ROBO1: variants seen among roughly 807,000 people sequenced by gnomAD.
ROBO1 encodes the protein roundabout guidance receptor 1.
ROBO1 carries 149 observed loss-of-function variants against 195.9 expected under a neutral mutation model. The ratio of observed to expected loss-of-function variants is 0.76; its 90% CI spans 0.67 to 0.87. The LOEUF (loss-of-function observed/expected upper bound fraction) is 0.87. ROBO1 is among the 40% of genes least tolerant of loss of function. The pLI is 0.00. For synonymous variants in ROBO1, 816 were observed against 733.2 expected (o/e 1.11, Z -1.82); for missense variants, 1,933 against 2,068.3 (o/e 0.93, Z 1.27).
intron 2 of ROBO1, among the ~76,000 whole-genome samples, chr3:79,430,279 A>T (rs1224975792): frequency 6.6e-6 from 1 of 152,128 alleles, no homozygotes; most frequent in East Asian, 1.9e-4. Context: ...CAATAAAAAT[A>T]ATACTTTACT....
intron 3 of ROBO1, among the ~76,000 whole-genome samples, chr3:79,120,409 T>C (rs918704099): frequency 6.6e-6 from 1 of 152,124 alleles, no homozygotes; most frequent in Non-Finnish European, 1.5e-5. Flanking sequence ...GGAAAACAAA[T>C]CAACAACAAG....
chr3:79,496,928 C>T (rs1205636502), intron 2 of ROBO1, among the ~76,000 whole-genome samples: 1 of 152,156 alleles, frequency 6.6e-6, no homozygotes, highest in Non-Finnish European at 1.5e-5. Context: ...CTCTTCCCAA[C>T]CTGTCAATGT....
intron 2 of ROBO1, among the ~76,000 whole-genome samples, chr3:79,566,369 G>C (rs1433986769): frequency 6.6e-6 from 1 of 151,960 alleles, no homozygotes; most frequent in Non-Finnish European, 1.5e-5. Flanking sequence ...ATTATAATTT[G>C]CATTTATTTC....
intron 1 of ROBO1, among the ~76,000 whole-genome samples, chr3:79,632,176 C>T (rs1214214132): frequency 6.6e-6 from 1 of 152,126 alleles, no homozygotes; most frequent in Non-Finnish European, 1.5e-5. Context: ...AAGACATCTG[C>T]ACTTAATGTG....
chr3:79,434,633 A>G (rs934114030), intron 2 of ROBO1, among the ~76,000 whole-genome samples: 4 of 152,160 alleles, frequency 2.6e-5, no homozygotes, highest in African/African-American at 9.7e-5. Flanking sequence ...AACTAATTCA[A>G]CCATTGTGGA....
rs189365516 is a variant in ROBO1 at position 79,434,350 on chromosome 3, G to C, written c.88+155474C>G. On this transcript the variant is annotated intron_variant, in intron 2 of 30. Coordinates refer to ENST00000464233, the MANE Select transcript of ROBO1 (RefSeq NM_002941.4). Reference sequence around the variant, plus strand: ...AGGGCTAATATCCAGAATTTACAAAGAACTCAAACAAATTCACAAGAAAAA... The same window carrying C: ...AGGGCTAATATCCAGAATTTACAAACAACTCAAACAAATTCACAAGAAAAA... Among the ~76,000 whole-genome samples the C allele has an allele frequency of 2.4e-4, 36 of 152,216 alleles. No individual in the cohort carries two copies. In the East Asian group the frequency reaches 5.2e-3, roughly 22 times the overall value.
chr3:79,702,900 G>A (rs1947658979), intron 1 of ROBO1, among the ~76,000 whole-genome samples: 1 of 151,860 alleles, frequency 6.6e-6, no homozygotes, highest in Non-Finnish European at 1.5e-5. Flanking sequence ...CCTACTCGTG[G>A]CTTCTGGCCA....
At chr3:79,039,330 T>C (rs910656819) in intron 3 of ROBO1, among the ~76,000 whole-genome samples, 2 of 152,204 alleles carry the variant, frequency 1.3e-5, no homozygotes, top group African/African-American at 4.8e-5. Flanking sequence ...CCCTTACATT[T>C]TCCCTGAGAA....
At chr3:79,263,363 T>C (rs933003532) in intron 2 of ROBO1, among the ~76,000 whole-genome samples, 1 of 152,026 alleles carries the variant, frequency 6.6e-6, no homozygotes, top group Non-Finnish European at 1.5e-5. Flanking sequence ...TTTCTCAAGA[T>C]CAGGGCTGGG....
intron 17 of ROBO1, among the ~76,000 whole-genome samples, chr3:78,657,904 C>T (rs1416732280): frequency 6.6e-6 from 1 of 152,206 alleles, no homozygotes; most frequent in Non-Finnish European, 1.5e-5. Flanking sequence ...TGAGCCTCAT[C>T]TCAGGATTTT....
chr3:79,727,246 C>T (rs1702961291), intron 1 of ROBO1, among the ~76,000 whole-genome samples: 1 of 151,986 alleles, frequency 6.6e-6, no homozygotes, highest in South Asian at 2.1e-4. Context: ...CTAGGGATTG[C>T]TGCTACATTA....
intron 1 of ROBO1, among the ~76,000 whole-genome samples, chr3:79,601,805 A>G (rs1397308898): frequency 1.3e-5 from 2 of 151,970 alleles, no homozygotes; most frequent in African/African-American, 2.4e-5. Context: ...CATTTTGTAC[A>G]CAAATTAATT....
intron 5 of ROBO1, among the ~76,000 whole-genome samples, chr3:78,729,190 G>C (rs141690064): frequency 1.2e-4 from 18 of 152,280 alleles, no homozygotes; most frequent in African/African-American, 4.3e-4. Flanking sequence ...GCTGTTTGCT[G>C]CTGCAGAAGC....
At chr3:78,725,716 C>A (rs1324780381) in intron 5 of ROBO1, among the ~76,000 whole-genome samples, 2 of 152,078 alleles carry the variant, frequency 1.3e-5, no homozygotes, top group East Asian at 3.8e-4. Flanking sequence ...AAATATACTG[C>A]CTTTAAAAAA....
intron 2 of ROBO1, among the ~76,000 whole-genome samples, chr3:79,171,177 A>C (rs1321711389): frequency 6.7e-6 from 1 of 149,994 alleles, no homozygotes; most frequent in East Asian, 1.9e-4. Context: ...TTAAAAACAA[A>C]GCTTATAAAT....
intron 1 of ROBO1, among the ~76,000 whole-genome samples, chr3:79,606,021 T>C (rs1944471414): frequency 6.9e-6 from 1 of 145,584 alleles, no homozygotes; most frequent in Admixed American, 6.8e-5. Flanking sequence ...CCCATTTATA[T>C]ATACATGTAC....
intron 2 of ROBO1, among the ~76,000 whole-genome samples, chr3:79,290,229 T>TC (rs2032159142): frequency 6.6e-6 from 1 of 152,044 alleles, no homozygotes; most frequent in Non-Finnish European, 1.5e-5. Flanking sequence ...AGACAGGGTT[T>TC]CACTGTGTTG....
chr3:79,107,246 G>T (rs190066441), intron 3 of ROBO1, among the ~76,000 whole-genome samples: 1 of 151,070 alleles, frequency 6.6e-6, no homozygotes, highest in Non-Finnish European at 1.5e-5. Context: ...TAGGTGCTAC[G>T]CAAAGAGTGT....
intron 2 of ROBO1, among the ~76,000 whole-genome samples, chr3:79,238,515 T>C (rs895101675): frequency 2.6e-5 from 4 of 152,210 alleles, no homozygotes; most frequent in African/African-American, 9.7e-5. Flanking sequence ...TGTGCTGCCT[T>C]TGTGACCTAA....
Sources: gnomAD v4.1 joint callset for allele counts (sites outside exome capture counted in the v4.1 genomes callset) on GRCh38, gnomAD v4.1.1 for gene constraint, MANE v1.5 for transcripts, NCBI Gene and HGNC (gene_info 2026-07-23, HGNC 2026-07-21) for gene names.